Variants in GPER1 observed in about 807,000 individuals in gnomAD.
The protein encoded by GPER1 is G protein-coupled estrogen receptor 1.
A neutral mutation model predicts 0.6 loss-of-function variants in GPER1; 2 were observed. The ratio of observed to expected loss-of-function variants is 3.41; its 90% CI spans 1.39 to 10.72. GPER1 has a LOEUF of 10.72. GPER1 is among the 30% of genes most tolerant of loss of function. The pLI is 0.04. For missense variants in GPER1, 441 were observed against 535.2 expected, an observed-to-expected ratio of 0.82 and a Z score of 1.74; for synonymous variants, 263 against 247.6, an observed-to-expected ratio of 1.06 and a Z score of -0.58.
Position 1,092,041 on chromosome 7 carries a change from G to C in GPER1, c.313G>C (p.Asp105His). The change falls in exon 2 of 2, where the codon GAC becomes CAC. Residue 105 changes from aspartate (D) to histidine (H), a missense_variant. Asp to His is a moderately conservative substitution (Grantham distance 81, BLOSUM62 -1). Coordinates refer to ENST00000397088, the MANE Select transcript of GPER1 (RefSeq NM_001098201.3). ...DLYFINLAVA[D>H]LILVADSLIE... ...GTACTTCATCAACCTGGCGGTGGCGGACCTCATCCTGGTGGCCGACTCCCT... is the reference window on the plus strand; with the variant it reads ...GTACTTCATCAACCTGGCGGTGGCGCACCTCATCCTGGTGGCCGACTCCCT... The C allele has an allele frequency of 6.2e-7, 1 of 1,614,012 alleles. No individual in the cohort carries two copies.
chr7:1,089,587 T>A (rs1430105340), intron 1 of GPER1, among the ~76,000 whole-genome samples: 2 of 152,008 alleles, frequency 1.3e-5, no homozygotes, highest in Non-Finnish European at 2.9e-5. Flanking sequence ...CCCAGCTACT[T>A]TTTTTGTCTT....
chr7:1,092,766 G>A lies in GPER1; in HGVS notation c.1038G>A (p.Pro346=), dbSNP rs760376118. The A allele has an allele frequency of 2.6e-5, 42 of 1,613,490 alleles. No homozygotes were observed. Among genetic ancestry groups the A allele is most frequent in the East Asian group, 1.6e-4 (7 of 44,884 alleles). The change falls in exon 2 of 2, where the codon CCG becomes CCA. Residue 346 remains proline (P), a synonymous_variant. Transcript: ENST00000397088. ...ACATTGAGCAGAAAACAAATTTGCC[G>A]GCCCTGAACCGCTTCTGTCACGCTG... ...RLYIEQKTNL[P]ALNRFCHAAL... is the part of the protein sequence containing the mutation.
intron 1 of GPER1, among the ~76,000 whole-genome samples, chr7:1,090,928 C>T (rs986445602): frequency 6.6e-6 from 1 of 152,240 alleles, no homozygotes; most frequent in Admixed American, 6.5e-5. Flanking sequence ...TCTGTTTTAT[C>T]GTAAGAGAAG....
chr7:1,093,160 T>C lies in GPER1; in HGVS notation c.*304T>C, dbSNP rs1448003675. 3.4e-6 allele frequency: 2 copies of C among 584,208 alleles called. No individual in the cohort carries two copies. The highest frequency in any genetic ancestry group is 3.7e-5 in the African/African-American group (2 of 54,164). The allele number at this position is 584,208 out of a possible 1,614,324, so 36.2% of individuals were successfully genotyped here. A position where few individuals can be genotyped will look rare whatever the true frequency, so the allele number is the denominator to read the frequency against. Reference sequence around the variant, plus strand: ...CCTCCCCGCCAACCCTGCCTGCCGCTGCACCTGCCTGCCGCTGCAGGAAAC... The same window carrying C: ...CCTCCCCGCCAACCCTGCCTGCCGCCGCACCTGCCTGCCGCTGCAGGAAAC... On this transcript the variant is annotated 3_prime_UTR_variant, in exon 2 of 2. Transcript: ENST00000397088.
rs556937825 is a variant in GPER1 at position 1,088,654 on chromosome 7, C to T, written c.-323+333C>T. Reference sequence around the variant, plus strand: ...AGGGTGCCCACTCTGCCCTGCCCTGCGGTGCCCCAGTCACTCTCACCAACC... The same window carrying T: ...AGGGTGCCCACTCTGCCCTGCCCTGTGGTGCCCCAGTCACTCTCACCAACC... On this transcript the variant is annotated intron_variant, in intron 1 of 1. Coordinates refer to ENST00000397088, the MANE Select transcript of GPER1 (RefSeq NM_001098201.3). The surrounding 1 kb of genome is among the most constrained non-coding windows in gnomAD (Gnocchi z 4.5). Among the ~76,000 whole-genome samples the T allele has an allele frequency of 8.6e-4, 131 of 152,340 alleles. No homozygotes were observed. Among genetic ancestry groups the T allele is most frequent in the African/African-American group, 3.0e-3 (123 of 41,582 alleles).
At chr7:1,087,892 G>A (rs1186086627), upstream of GPER1, among the ~76,000 whole-genome samples, 2 of 152,186 alleles carry the variant, frequency 1.3e-5, no homozygotes, top group East Asian at 3.8e-4. Flanking sequence ...CTTAAAGAAA[G>A]GTTTGTATCT....
rs1787703514 is a variant in GPER1 at position 1,089,345 on chromosome 7, C to T, written c.-323+1024C>T. Among the ~76,000 whole-genome samples, 2 of 152,202 alleles carry T rather than the reference C, an allele frequency of 1.3e-5. 1 individual carries two copies. Among genetic ancestry groups the T allele is most frequent in the Admixed American group, 1.3e-4 (2 of 15,276 alleles). On this transcript the variant is annotated intron_variant, in intron 1 of 1. Coordinates refer to ENST00000397088, the MANE Select transcript of GPER1 (RefSeq NM_001098201.3). Reference sequence around the variant, plus strand: ...AATAACTGACACAGAGGCAGTGATTCATCTTGTCTTCCCCACCCGCCTGTT... The same window carrying T: ...AATAACTGACACAGAGGCAGTGATTTATCTTGTCTTCCCCACCCGCCTGTT...
Position 1,092,434 on chromosome 7 carries a change from C to T in GPER1, c.706C>T (p.Leu236Phe). 6.2e-7 allele frequency: 1 copy of T among 1,608,706 alleles called. No individual in the cohort carries two copies. Among genetic ancestry groups the T allele is most frequent in the Non-Finnish European group, 8.5e-7 (1 of 1,178,858 alleles). The stretch of plus-strand genomic sequence containing the variant: ...CGCCATCATCGGCCTGTGCTACTCC[C>T]TCATTGTCCGGGTGCTGGTCAGGGC... Reference protein sequence around the residue: ...PFAIIGLCYSLIVRVLVRAHR... With the variant: ...PFAIIGLCYSFIVRVLVRAHR... Residue 236 changes from leucine to phenylalanine, a missense_variant, in exon 2 of 2, where the codon CTC (leucine) becomes TTC (phenylalanine). Leu to Phe is a conservative substitution (Grantham distance 22). Transcript: ENST00000397088.
rs1787656422 is a variant in GPER1, at chr7:1,088,869, C to T, written c.-323+548C>T. 6.6e-6 allele frequency among the ~76,000 whole-genome samples: 1 copy of T among 151,934 alleles called. No individual in the cohort carries two copies. Among genetic ancestry groups the T allele is most frequent in the Non-Finnish European group, 1.5e-5 (1 of 68,012 alleles). ...GAATGGCACACTAGGTTCCTCTCAC[C>T]CAGGACCACATCAGACACTAGGACA... On this transcript the variant is annotated intron_variant, in intron 1 of 1. Coordinates refer to ENST00000397088, the MANE Select transcript of GPER1 (RefSeq NM_001098201.3). This position sits in a 1 kb window ranked among gnomAD's most constrained non-coding sequence, Gnocchi z 4.5.
intron 1 of GPER1, among the ~76,000 whole-genome samples, chr7:1,089,082 G>A (rs1011858286): frequency 2.0e-5 from 3 of 152,108 alleles, no homozygotes; most frequent in Non-Finnish European, 4.4e-5. Context: ...GCCACGCCAC[G>A]GTCTAATACG....
upstream of GPER1, chr7:1,087,326 G>A (rs1483326801): frequency 1.3e-5 from 2 of 152,202 alleles, no homozygotes; most frequent in Non-Finnish European, 2.9e-5. Flanking sequence ...ACCGGCTGAG[G>A]GTCCCTGGTC....
rs1563104253 is a variant in GPER1 at position 1,093,282 on chromosome 7, G to T, written c.*426G>T. 2.3e-6 allele frequency: 1 copy of T among 436,858 alleles called. No homozygotes were observed. Among genetic ancestry groups the T allele is most frequent in the East Asian group, 7.0e-5 (1 of 14,214 alleles). 27.1% of individuals were successfully genotyped at this position (436,858 alleles called of 1,614,324 possible). ...AACCCTAAAGCAAATCTGCCACCGT[G>T]GGGGAACTGACGCTGGAGATGCAAG... On this transcript the variant is annotated 3_prime_UTR_variant, in exon 2 of 2. Coordinates refer to ENST00000397088, the MANE Select transcript of GPER1 (RefSeq NM_001098201.3).
Position 1,093,415 on chromosome 7 carries a change from G to A in GPER1, c.*559G>A, listed in dbSNP as rs747630633. On this transcript the variant is annotated 3_prime_UTR_variant, in exon 2 of 2. Transcript: ENST00000397088. ...AGGAGAAGGAAAACATGCTGCTCTGGTGCACGCCTGAGCGTCCTCCATCTT... is the reference window on the plus strand; with the variant it reads ...AGGAGAAGGAAAACATGCTGCTCTGATGCACGCCTGAGCGTCCTCCATCTT... 4 of 460,272 alleles carry A rather than the reference G, an allele frequency of 8.7e-6. No homozygotes were observed. In the East Asian group the frequency reaches 2.1e-4, roughly 24 times the overall value. The allele number at this position is 460,272 out of a possible 1,614,324, so 28.5% of individuals were successfully genotyped here.
In GPER1 at chr7:1,092,174, C is replaced by G; in HGVS notation, c.446C>G (p.Thr149Ser). The G allele has an allele frequency of 6.2e-7, 1 of 1,613,440 alleles. No individual in the cohort carries two copies. Among genetic ancestry groups the G allele is most frequent in the Non-Finnish European group, 8.5e-7 (1 of 1,180,002 alleles). ...ATGTACAGCAGCGTCTTCTTCCTCACCTGGATGAGCTTCGACCGCTACATC... is the reference window on the plus strand; with the variant it reads ...ATGTACAGCAGCGTCTTCTTCCTCAGCTGGATGAGCTTCGACCGCTACATC... ...VNMYSSVFFL[T>S]WMSFDRYIAL... Residue 149 changes from threonine to serine, a missense_variant, in exon 2 of 2, where the codon ACC becomes AGC. Transcript: ENST00000397088.
rs146101918 is a variant in GPER1 at position 1,089,543 on chromosome 7, C to T, written c.-323+1222C>T. 2.5e-3 allele frequency among the ~76,000 whole-genome samples: 381 copies of T among 152,050 alleles called. 2 individuals are homozygous for T. Among genetic ancestry groups the T allele is most frequent in the African/African-American group, 8.9e-3 (368 of 41,418 alleles). Reference sequence around the variant, plus strand: ...AGGCGATCCTCCTGCCTCAGCCTCCCGAGTAGCTGGGACTACAGGCGCACA... The same window carrying T: ...AGGCGATCCTCCTGCCTCAGCCTCCTGAGTAGCTGGGACTACAGGCGCACA... On this transcript the variant is annotated intron_variant, in intron 1 of 1. Coordinates refer to ENST00000397088, the MANE Select transcript of GPER1 (RefSeq NM_001098201.3).
At position 1,091,695 on chromosome 7, in the gene GPER1, T is replaced by C; in HGVS notation, c.-34T>C. Reference sequence around the variant, plus strand: ...TTTAAAACAGAGCTCTGGGAGCCTTTCGGCAAATCTTGAAAGCTGCACGGT... The same window carrying C: ...TTTAAAACAGAGCTCTGGGAGCCTTCCGGCAAATCTTGAAAGCTGCACGGT... On this transcript the variant is annotated 5_prime_UTR_variant, in exon 2 of 2. Transcript: ENST00000397088. The C allele has an allele frequency of 2.7e-6, 4 of 1,471,424 alleles. No homozygotes were observed. The highest frequency in any genetic ancestry group is 3.7e-6 in the Non-Finnish European group (4 of 1,093,734). The allele number at this position is 1,471,424 out of a possible 1,614,324, so 91.1% of individuals were successfully genotyped here.
chr7:1,093,420 C>A lies in GPER1; in HGVS notation c.*564C>A, dbSNP rs555778461. 2 of 461,444 alleles carry A rather than the reference C, an allele frequency of 4.3e-6. No homozygotes were observed. 28.6% of individuals were successfully genotyped at this position (461,444 alleles called of 1,614,324 possible). A position where few individuals can be genotyped will look rare whatever the true frequency, so the allele number is the denominator to read the frequency against. On this transcript the variant is annotated 3_prime_UTR_variant, in exon 2 of 2. Transcript: ENST00000397088. The stretch of plus-strand genomic sequence containing the variant: ...AAGGAAAACATGCTGCTCTGGTGCA[C>A]GCCTGAGCGTCCTCCATCTTCCAGG...
chr7:1,089,806 G>A (rs887343097), intron 1 of GPER1, among the ~76,000 whole-genome samples: 12 of 150,254 alleles, frequency 8.0e-5, no homozygotes, highest in Non-Finnish European at 1.5e-4. Context: ...CCCCTGGCCC[G>A]GCGCGGTGGA....
chr7:1,092,152 T>TCTTCTTG lies in GPER1; in HGVS notation c.424_425insCTTCTTG (p.Tyr142SerfsTer3). ...GTCGCTCTTCCTGCAGGTCAACATG[T>TCTTCTTG]ACAGCAGCGTCTTCTTCCTCACCTG... On this transcript the variant is annotated stop_gained and frameshift_variant, in exon 2 of 2. Transcript: ENST00000397088. LOFTEE classifies it low-confidence loss of function (END_TRUNC). 1 of 1,613,534 alleles carries TCTTCTTG rather than the reference T, an allele frequency of 6.2e-7. No individual in the cohort carries two copies. Among genetic ancestry groups the TCTTCTTG allele is most frequent in the Non-Finnish European group, 8.5e-7 (1 of 1,179,980 alleles).
Sources: gnomAD v4.1 joint callset for allele counts (sites outside exome capture counted in the v4.1 genomes callset) on GRCh38, gnomAD v4.1.1 for gene constraint, Gnocchi (gnomAD v3.1) non-coding constraint, MANE v1.5 for transcripts, NCBI Gene and HGNC (gene_info 2026-07-23, HGNC 2026-07-21) for gene names.